Variants in GPC6 observed in about 807,000 individuals in gnomAD.
GPC6 encodes glypican-6.
A neutral mutation model predicts 55.2 loss-of-function variants in GPC6; 14 were observed. The ratio of observed to expected loss-of-function variants is 0.25; its 90% CI spans 0.17 to 0.40. GPC6 has a LOEUF of 0.40. Among genes scored for constraint, GPC6 ranks in the 10% least tolerant of loss-of-function variants. GPC6 has a pLI of 1.00. For missense variants in GPC6, 641 were observed against 708.5 expected (o/e 0.90, Z 1.08); for synonymous variants, 278 against 259.6 (o/e 1.07, Z -0.68).
chr13:93,447,054 G>T, intron 1 of GPC6, among the ~76,000 whole-genome samples: 1 of 152,036 alleles, frequency 6.6e-6, no homozygotes, highest in Non-Finnish European at 1.5e-5. Flanking sequence ...CAAGAATTAA[G>T]TAGGAGACTG....
rs533533088 is a variant in GPC6, at chr13:93,995,732, C to A, written c.712-31997C>A. Among the ~76,000 whole-genome samples the A allele has an allele frequency of 2.5e-3, 377 of 152,180 alleles. 1 individual carries two copies. The highest frequency in any genetic ancestry group is 8.7e-3 in the African/African-American group (363 of 41,530). Reference sequence around the variant, plus strand: ...GAATTCAAAATATTTTTCTCTGAAACAAATTTTATAAAGATACCTTCTGAA... The same window carrying A: ...GAATTCAAAATATTTTTCTCTGAAAAAAATTTTATAAAGATACCTTCTGAA... On this transcript the variant is annotated intron_variant, in intron 3 of 8. Transcript: ENST00000377047.
chr13:94,388,814 C>A (rs1471670586), intron 7 of GPC6, among the ~76,000 whole-genome samples: 2 of 152,162 alleles, frequency 1.3e-5, no homozygotes, highest in African/African-American at 4.8e-5. Context: ...CTCATGATCT[C>A]ATTCAACCGT....
chr13:93,992,353 CA>C (rs1374565178), intron 3 of GPC6, among the ~76,000 whole-genome samples: 1 of 152,054 alleles, frequency 6.6e-6, no homozygotes, highest in Non-Finnish European at 1.5e-5. Flanking sequence ...TGTACCTTTT[CA>C]GTGAAATAGA....
intron 4 of GPC6, among the ~76,000 whole-genome samples, chr13:94,124,338 A>G (rs111393291): frequency 0.016 from 2,486 of 152,200 alleles, 61 homozygotes; most frequent in African/African-American, 0.056. Flanking sequence ...TCATTCAACA[A>G]ATGTTTCCAA....
chr13:93,320,083 T>C (rs1308348459), intron 1 of GPC6, among the ~76,000 whole-genome samples: 2 of 152,070 alleles, frequency 1.3e-5, no homozygotes, highest in Admixed American at 6.6e-5. Context: ...TTTTGGAGTC[T>C]AAGCAAAGGG....
chr13:93,629,335 A>G (rs1879335894), intron 2 of GPC6, among the ~76,000 whole-genome samples: 1 of 152,118 alleles, frequency 6.6e-6, no homozygotes, highest in Non-Finnish European at 1.5e-5. Context: ...AGAAAAATAC[A>G]TATGCATACA....
intron 3 of GPC6, among the ~76,000 whole-genome samples, chr13:94,004,462 C>G (rs541724593): frequency 6.6e-6 from 1 of 152,180 alleles, no homozygotes; most frequent in African/African-American, 2.4e-5. Context: ...GCTGGATTGG[C>G]AAATTGACAA....
At chr13:94,017,879 T>G (rs1882531284) in intron 3 of GPC6, among the ~76,000 whole-genome samples, 1 of 152,008 alleles carries the variant, frequency 6.6e-6, no homozygotes, top group Non-Finnish European at 1.5e-5. Flanking sequence ...GGTTTCACCA[T>G]CTTGGCTAGG....
At chr13:93,821,509 G>A (rs1887045389) in intron 2 of GPC6, among the ~76,000 whole-genome samples, 1 of 152,170 alleles carries the variant, frequency 6.6e-6, no homozygotes, top group Non-Finnish European at 1.5e-5. Context: ...CAGGCGCACA[G>A]TCTCTTCCTG....
chr13:94,389,752 A>C (rs1880563850), intron 7 of GPC6, among the ~76,000 whole-genome samples: 1 of 152,084 alleles, frequency 6.6e-6, no homozygotes, highest in South Asian at 2.1e-4. Flanking sequence ...AAATTATTTC[A>C]GAGCCTTCAG....
chr13:93,319,975 A>G (rs929560700), intron 1 of GPC6, among the ~76,000 whole-genome samples: 3 of 152,142 alleles, frequency 2.0e-5, no homozygotes, highest in African/African-American at 7.2e-5. Flanking sequence ...AACAAACCCA[A>G]ATTGGAGCAT....
chr13:94,349,607 G>A (rs552986250), intron 6 of GPC6, among the ~76,000 whole-genome samples: 1 of 152,224 alleles, frequency 6.6e-6, no homozygotes, highest in East Asian at 1.9e-4. Context: ...TACTGTGTCT[G>A]AGCAAACATG....
At chr13:94,088,419 G>T (rs1885362405) in intron 4 of GPC6, among the ~76,000 whole-genome samples, 1 of 151,964 alleles carries the variant, frequency 6.6e-6, no homozygotes, top group East Asian at 1.9e-4. Context: ...AGGCATGGTG[G>T]CTCACACCCG....
intron 2 of GPC6, among the ~76,000 whole-genome samples, chr13:93,766,102 TGTTTTAA>T (rs1353231794): frequency 1.3e-5 from 2 of 152,198 alleles, no homozygotes; most frequent in Non-Finnish European, 2.9e-5. Flanking sequence ...GAAAAGGCTA[TGTTTTAA>T]GTTGTATAGG....
At chr13:93,657,846 G>GA (rs1261034621) in intron 2 of GPC6, among the ~76,000 whole-genome samples, 1 of 151,914 alleles carries the variant, frequency 6.6e-6, no homozygotes, top group Non-Finnish European at 1.5e-5. Flanking sequence ...ACAAGCATTT[G>GA]AAAAAATGCT....
intron 2 of GPC6, among the ~76,000 whole-genome samples, chr13:93,619,623 T>A (rs1368480577): frequency 2.6e-5 from 4 of 152,164 alleles, no homozygotes; most frequent in Admixed American, 6.5e-5. Flanking sequence ...GGCTAGTTTT[T>A]AGAAATGTTT....
chr13:93,332,120 G>A (rs1392001680), intron 1 of GPC6, among the ~76,000 whole-genome samples: 1 of 151,942 alleles, frequency 6.6e-6, no homozygotes, highest in Admixed American at 6.6e-5. Flanking sequence ...ATGAACACTT[G>A]GTTGATTCCA....
chr13:94,372,902 G>C (rs935051354), intron 6 of GPC6, among the ~76,000 whole-genome samples: 39 of 151,834 alleles, frequency 2.6e-4, no homozygotes, highest in Non-Finnish European at 5.5e-4. Flanking sequence ...GTGGGTCCCT[G>C]ACCCCTGACC....
intron 2 of GPC6, among the ~76,000 whole-genome samples, chr13:93,666,559 G>A (rs1049156195): frequency 6.6e-6 from 1 of 152,088 alleles, no homozygotes. Context: ...TAGAGCCAAC[G>A]TTTAAAAATG....
Sources: gnomAD v4.1 joint callset for allele counts (sites outside exome capture counted in the v4.1 genomes callset) on GRCh38, gnomAD v4.1.1 for gene constraint, MANE v1.5 for transcripts, NCBI Gene and HGNC (gene_info 2026-07-23, HGNC 2026-07-21) for gene names.